FBXO11: variants seen among roughly 807,000 people sequenced by gnomAD.
The protein encoded by FBXO11 is F-box only protein 11.
A neutral mutation model predicts 117.0 loss-of-function variants in FBXO11; 13 were observed. That is an observed-to-expected ratio of 0.11 (90% CI 0.07 to 0.18). FBXO11 has a LOEUF of 0.18. Among genes scored for constraint, FBXO11 ranks in the 10% least tolerant of loss-of-function variants. The probability of loss-of-function intolerance (pLI) is 1.00; values close to 1 mark genes in which losing one functional copy is unlikely to be tolerated. For missense variants in FBXO11, 767 were observed against 1,164.4 expected, an observed-to-expected ratio of 0.66 and a Z score of 4.97; for synonymous variants, 490 against 380.5, an observed-to-expected ratio of 1.29 and a Z score of -3.35.
intron 1 of FBXO11, among the ~76,000 whole-genome samples, chr2:47,880,692 T>G (rs1277234325): frequency 6.6e-6 from 1 of 152,254 alleles, no homozygotes; most frequent in Non-Finnish European, 1.5e-5. Flanking sequence ...TATTAAATTT[T>G]CATTGTATCC....
chr2:47,819,230 G>A (rs1444009139), intron 14 of FBXO11, 152 bp from the exon 15 acceptor site: 1 of 722,666 alleles, frequency 1.4e-6, no homozygotes, highest in African/African-American at 1.8e-5. Flanking sequence ...GTTTTGTTTT[G>A]TTTTGAAATG....
chr2:47,824,829 T>C (rs1179000464), intron 11 of FBXO11, among the ~76,000 whole-genome samples: 1 of 152,214 alleles, frequency 6.6e-6, no homozygotes, highest in Non-Finnish European at 1.5e-5. Context: ...GAAGTTACCA[T>C]AATTCTGATA....
intron 1 of FBXO11, among the ~76,000 whole-genome samples, chr2:47,877,554 G>C (rs1676099125): frequency 6.6e-6 from 1 of 152,082 alleles, no homozygotes; most frequent in South Asian, 2.1e-4. Context: ...TCGAATTTTT[G>C]TTTGGCAGGT....
intron 18 of FBXO11, chr2:47,811,111 C>A (rs1253407150): frequency 6.6e-6 from 1 of 152,294 alleles, no homozygotes; most frequent in African/African-American, 2.4e-5. Flanking sequence ...TCAGTAACTT[C>A]TTGGGGTCCT....
chr2:47,809,075 A>T, intron 21 of FBXO11, 83 bp downstream of exon 21: 1 of 833,704 alleles, frequency 1.2e-6, no homozygotes, highest in Non-Finnish European at 1.9e-6. Context: ...ACACCGGCAA[A>T]TAGCCAAAAA....
chr2:47,819,668 A>G (rs76946169), intron 14 of FBXO11, among the ~76,000 whole-genome samples: 11,113 of 152,278 alleles, frequency 0.073, 567 homozygotes, highest in Non-Finnish European at 0.11. Flanking sequence ...AGGATGTGTA[A>G]CAAACTGACG....
At chr2:47,884,476 T>G (rs1558471863) in intron 1 of FBXO11, among the ~76,000 whole-genome samples, 2 of 152,228 alleles carry the variant, frequency 1.3e-5, no homozygotes, top group Admixed American at 1.3e-4. Flanking sequence ...AATAACATAA[T>G]CTGGAGTTTA....
At position 47,807,105 on chromosome 2, in the gene FBXO11, T is replaced by C. The variant is rs1670264511; in HGVS notation, c.*1013A>G. 2.0e-6 allele frequency: 1 copy of C among 492,298 alleles called. No individual in the cohort carries two copies. The highest frequency in any genetic ancestry group is 3.6e-6 in the Non-Finnish European group (1 of 276,742). The allele number at this position is 492,298 out of a possible 1,614,324, so 30.5% of individuals were successfully genotyped here. Reference sequence around the variant, plus strand: ...GCTGTTTTATACCCACTGTCACCAATACACATAAATGGGGGAGGAAAAGCT... The same window carrying C: ...GCTGTTTTATACCCACTGTCACCAACACACATAAATGGGGGAGGAAAAGCT... On this transcript the variant is annotated 3_prime_UTR_variant, in exon 23 of 23. Transcript: ENST00000403359.
At chr2:47,820,509 G>A (rs1173870953) in intron 13 of FBXO11, 53 bp from the exon 14 acceptor site, 12 of 1,400,144 alleles carry the variant, frequency 8.6e-6, no homozygotes, top group African/African-American at 2.8e-5. Flanking sequence ...AGAGAATACA[G>A]TAAGGATTTT....
intron 1 of FBXO11, among the ~76,000 whole-genome samples, chr2:47,885,890 C>G (rs1356657521): frequency 6.6e-6 from 1 of 152,180 alleles, no homozygotes; most frequent in Non-Finnish European, 1.5e-5. Context: ...ACTCATTCCT[C>G]AAGGTATAGT....
chr2:47,884,658 TCA>T (rs1676680939), intron 1 of FBXO11, among the ~76,000 whole-genome samples: 2 of 152,244 alleles, frequency 1.3e-5, no homozygotes, highest in Admixed American at 1.3e-4. Context: ...ATGCTGAAAC[TCA>T]CAGCACCATC....
intron 1 of FBXO11, among the ~76,000 whole-genome samples, chr2:47,899,245 G>C (rs1285486592): frequency 1.4e-5 from 2 of 141,914 alleles, no homozygotes; most frequent in African/African-American, 5.3e-5. Flanking sequence ...CTGTACTCCA[G>C]CCTGGGCGAC....
In FBXO11 at chr2:47,823,259, C is replaced by T. The variant is rs368626935; in HGVS notation, c.1500G>A (p.Gly500=). Residue 500 remains glycine (G), a synonymous_variant, in exon 12 of 23, where the codon GGG becomes GGA. Transcript: ENST00000403359. ...CATGGACATATATTCCTCCAGTCTG[C>T]CCATGGTGAATTTCACATCGAACCA... ...PTVVRCEIHH[G]QTGGIYVHEK... The T allele has an allele frequency of 3.7e-6, 6 of 1,613,646 alleles. No homozygotes were observed. Among genetic ancestry groups the T allele is most frequent in the African/African-American group, 1.3e-5 (1 of 74,898 alleles).
rs185168234 is a variant in FBXO11 at position 47,873,267 on chromosome 2, C to A, written c.232+32222G>T. ...AACATTTTAGGTTTGAAGGCCCTTC[C>A]CTTATCTGTATCTGGTATTTCTCTC... On this transcript the variant is annotated intron_variant, in intron 1 of 22. Coordinates refer to ENST00000403359, the MANE Select transcript of FBXO11 (RefSeq NM_001190274.2). 2.5e-3 allele frequency among the ~76,000 whole-genome samples: 378 copies of A among 152,334 alleles called. 2 individuals are homozygous for A. Among genetic ancestry groups the A allele is most frequent in the Middle Eastern group, 0.014 (4 of 294 alleles).
At position 47,814,034 on chromosome 2, in the gene FBXO11, C is replaced by G. The variant is rs1670827618; in HGVS notation, c.2007-167G>C. On this transcript the variant is annotated intron_variant, in intron 16 of 22. Coordinates refer to ENST00000403359, the MANE Select transcript of FBXO11 (RefSeq NM_001190274.2). ...AGAAAGTGGTTTAATTTTGCTTAAT[C>G]CTGTATTTCCCACAGAACATACTTT... 4 of 555,652 alleles carry G rather than the reference C, an allele frequency of 7.2e-6. No homozygotes were observed. The East Asian group carries it at 1.2e-4, about 17-fold the overall frequency. 34.4% of individuals were successfully genotyped at this position (555,652 alleles called of 1,614,324 possible).
chr2:47,831,729 C>T (rs1011157773), intron 11 of FBXO11, among the ~76,000 whole-genome samples: 2 of 152,096 alleles, frequency 1.3e-5, no homozygotes, highest in Non-Finnish European at 2.9e-5. Flanking sequence ...AAAGTCATGT[C>T]TCTAGAAAAT....
intron 3 of FBXO11, 61 bp from the exon 4 acceptor site, chr2:47,839,064 A>T (rs1248194948): frequency 9.2e-6 from 14 of 1,518,348 alleles, no homozygotes; most frequent in Non-Finnish European, 1.2e-5. Flanking sequence ...TATTTAAAGA[A>T]CACAGTTTTC....
chr2:47,813,748 T>C, intron 17 of FBXO11, 43 bp downstream of exon 17: 1 of 1,464,476 alleles, frequency 6.8e-7, no homozygotes, highest in Non-Finnish European at 9.2e-7. Flanking sequence ...GGTGTATTTC[T>C]AAAGTTTATT....
chr2:47,817,701 T>C lies in FBXO11; in HGVS notation c.2006+1078A>G, dbSNP rs182242666. 1.8e-3 allele frequency among the ~76,000 whole-genome samples: 275 copies of C among 152,322 alleles called. 2 individuals carry two copies. Among genetic ancestry groups the C allele is most frequent in the Admixed American group, 3.2e-3 (49 of 15,306 alleles). On this transcript the variant is annotated intron_variant, in intron 16 of 22. Transcript: ENST00000403359. ...AATTGGCCTAATTTCGATACTGTTG[T>C]GTCTCAGGCAATAGGGAAGCCTGAG...
Sources: gnomAD v4.1 joint callset for allele counts (sites outside exome capture counted in the v4.1 genomes callset) on GRCh38, gnomAD v4.1.1 for gene constraint, MANE v1.5 for transcripts, NCBI Gene and HGNC (gene_info 2026-07-23, HGNC 2026-07-21) for gene names.